MORC3: variants seen among roughly 807,000 people sequenced by gnomAD.
MORC3 encodes MORC family CW-type zinc finger protein 3.
A neutral mutation model predicts 109.1 loss-of-function variants in MORC3; 31 were observed. The observed-to-expected ratio is 0.28, with a 90% CI of 0.21 to 0.38. MORC3 has a LOEUF of 0.38. MORC3 is among the 10% of genes least tolerant of loss of function. MORC3 has a pLI of 1.00. For synonymous variants in MORC3, 395 were observed against 380.7 expected (o/e 1.04, Z -0.44); for missense variants, 867 against 1,135.8 (o/e 0.76, Z 3.40).
Position 36,372,402 on chromosome 21 carries a change from A to G in MORC3, c.2537A>G (p.Gln846Arg). ...GAATTGCTGGAAATGGAAAAGTCAC[A>G]AATCCGTTCACAGTGTGAAGAACTC... ...EVELLEMEKS[Q>R]IRSQCEELKT... The change falls in exon 16 of 17, where the codon CAA becomes CGA. Residue 846 changes from glutamine (Q) to arginine (R), a missense_variant. By Grantham distance (43) the Gln-to-Arg change is conservative. Coordinates refer to ENST00000400485, the MANE Select transcript of MORC3 (RefSeq NM_015358.3). The G allele has an allele frequency of 6.3e-7, 1 of 1,581,524 alleles. No homozygotes were observed. Among genetic ancestry groups the G allele is most frequent in the Admixed American group, 2.0e-5 (1 of 48,942 alleles).
chr21:36,372,809 A>T (rs2085885271), intron 16 of MORC3, among the ~76,000 whole-genome samples: 2 of 152,178 alleles, frequency 1.3e-5, no homozygotes, highest in African/African-American at 4.8e-5. Context: ...TTTTGAAGGA[A>T]AATAAAAATG....
intron 10 of MORC3, among the ~76,000 whole-genome samples, chr21:36,359,303 T>C (rs1438092217): frequency 6.6e-6 from 1 of 151,998 alleles, no homozygotes; most frequent in East Asian, 1.9e-4. Context: ...ACCAAAATGG[T>C]TGTGTTTAAT....
chr21:36,349,530 T>C (rs1488910670), intron 9 of MORC3, 122 bp downstream of exon 9: 4 of 566,480 alleles, frequency 7.1e-6, no homozygotes, highest in East Asian at 3.4e-5. Flanking sequence ...GGTTTGAATA[T>C]ACTACTTGTG....
At chr21:36,324,244 A>C (rs2085223796) in intron 1 of MORC3, among the ~76,000 whole-genome samples, 1 of 150,566 alleles carries the variant, frequency 6.6e-6, no homozygotes. Context: ...CCTGGACAAA[A>C]TGTTCATTCT....
intron 10 of MORC3, among the ~76,000 whole-genome samples, chr21:36,357,011 T>G (rs919858509): frequency 6.6e-6 from 1 of 152,222 alleles, no homozygotes; most frequent in African/African-American, 2.4e-5. Context: ...ACTGGTATAG[T>G]GTATCATTAG....
chr21:36,347,672 C>T (rs1017923843), intron 8 of MORC3, among the ~76,000 whole-genome samples: 1 of 152,140 alleles, frequency 6.6e-6, no homozygotes, highest in Non-Finnish European at 1.5e-5. Context: ...GTGGAACATC[C>T]TTGGAAGCAT....
Position 36,375,396 on chromosome 21 carries a change from C to G in MORC3, c.*100C>G. On this transcript the variant is annotated 3_prime_UTR_variant, in exon 17 of 17. Transcript: ENST00000400485. ...TTTTATAGATATGATAGGCAACAGA[C>G]TGAAAACCATAATCTTTACTGTATT... The G allele has an allele frequency of 1.9e-6, 2 of 1,069,992 alleles. No individual in the cohort carries two copies. The highest frequency in any genetic ancestry group is 3.3e-5 in the South Asian group (2 of 60,468). 66.3% of individuals were successfully genotyped at this position (1,069,992 alleles called of 1,614,324 possible). A position where few individuals can be genotyped will look rare whatever the true frequency, so the allele number is the denominator to read the frequency against.
intron 8 of MORC3, among the ~76,000 whole-genome samples, chr21:36,346,177 T>C (rs1310483648): frequency 6.6e-6 from 1 of 152,176 alleles, no homozygotes; most frequent in Non-Finnish European, 1.5e-5. Context: ...TGTGCCGCTA[T>C]GCCAGGCCAA....
rs2085392207 is a variant in MORC3 at position 36,337,927 on chromosome 21, A to G, written c.441A>G (p.Ile147Met). 6.2e-7 allele frequency: 1 copy of G among 1,614,018 alleles called. No individual in the cohort carries two copies. Among genetic ancestry groups the G allele is most frequent in the African/African-American group, 1.3e-5 (1 of 74,942 alleles). Residue 147 changes from isoleucine to methionine, a missense_variant, in exon 4 of 17, where the codon ATA becomes ATG. Physicochemically the swap from Ile to Met is conservative, Grantham distance 10. Transcript: ENST00000400485. ...VIKAEHVVVP[I>M]VAFNKHRQMI... Reference sequence around the variant, plus strand: ...AAGCGGAGCATGTTGTTGTTCCAATAGTGGCATTCAACAAGCACCATATCC... The same window carrying G: ...AAGCGGAGCATGTTGTTGTTCCAATGGTGGCATTCAACAAGCACCATATCC...
intron 14 of MORC3, among the ~76,000 whole-genome samples, chr21:36,365,389 T>C (rs1275850899): frequency 1.3e-5 from 2 of 152,220 alleles, no homozygotes; most frequent in African/African-American, 2.4e-5. Context: ...CTGACTATAC[T>C]GATGTTTGTT....
rs1294027375 is a variant in MORC3 at position 36,376,471 on chromosome 21, TGTATA to T, written c.*1179_*1183del. ...GTCATATACAGTATTGAATTTTTACTGTATAGTAATTCTGGAAAGAGCAAATAAAT... is the reference window on the plus strand; with the variant it reads ...GTCATATACAGTATTGAATTTTTACTGTAATTCTGGAAAGAGCAAATAAAT... On this transcript the variant is annotated 3_prime_UTR_variant, in exon 17 of 17. Transcript: ENST00000400485. 1 of 152,270 alleles carries T rather than the reference TGTATA, an allele frequency of 6.6e-6. No individual in the cohort carries two copies. The highest frequency in any genetic ancestry group is 1.5e-5 in the Non-Finnish European group (1 of 68,022). The allele number at this position is 152,270 out of a possible 1,614,324, so 9.4% of individuals were successfully genotyped here. A position where few individuals can be genotyped will look rare whatever the true frequency, so the allele number is the denominator to read the frequency against.
intron 14 of MORC3, among the ~76,000 whole-genome samples, chr21:36,365,618 G>T (rs893385998): frequency 4.6e-5 from 7 of 152,062 alleles, no homozygotes; most frequent in Non-Finnish European, 8.8e-5. Flanking sequence ...TTTGGCTTTT[G>T]TTGCCCAAGC....
intron 8 of MORC3, among the ~76,000 whole-genome samples, chr21:36,346,085 A>G (rs953686728): frequency 9.2e-5 from 14 of 152,036 alleles, no homozygotes; most frequent in African/African-American, 2.9e-4. Context: ...CAGTGGTGTG[A>G]TCTCAGCTCA....
intron 5 of MORC3, among the ~76,000 whole-genome samples, chr21:36,340,290 A>AAC (rs2085427736): frequency 6.6e-6 from 1 of 151,806 alleles, no homozygotes; most frequent in South Asian, 2.1e-4. Flanking sequence ...AAAAAAAAAA[A>AAC]AAAACTATAG....
intron 6 of MORC3, 95 bp downstream of exon 6, chr21:36,341,641 C>T: frequency 6.7e-7 from 1 of 1,503,356 alleles, no homozygotes; most frequent in Non-Finnish European, 9.1e-7. Flanking sequence ...AGAAAGGCTG[C>T]CAGTGCTCTC....
At chr21:36,364,018 A>G (rs1049145440) in intron 13 of MORC3, 75 bp from the exon 14 acceptor site, 11 of 1,448,466 alleles carry the variant, frequency 7.6e-6, no homozygotes, top group Non-Finnish European at 9.4e-6. Flanking sequence ...GGGGAAGAGG[A>G]AGATTATATC....
intron 10 of MORC3, among the ~76,000 whole-genome samples, chr21:36,357,214 C>A (rs972987013): frequency 6.6e-6 from 1 of 152,150 alleles, no homozygotes; most frequent in Admixed American, 6.6e-5. Context: ...TAACACATCA[C>A]AGGATAACAG....
chr21:36,358,155 C>T (rs1283698850), intron 10 of MORC3, among the ~76,000 whole-genome samples: 4 of 150,632 alleles, frequency 2.7e-5, no homozygotes, highest in Admixed American at 6.6e-5. Flanking sequence ...CCAACCGAGG[C>T]GGGCGGATCA....
At chr21:36,335,363 T>C (rs901752265) in intron 2 of MORC3, among the ~76,000 whole-genome samples, 9 of 148,082 alleles carry the variant, frequency 6.1e-5, no homozygotes, top group East Asian at 6.0e-4. Context: ...TCACCCAGGC[T>C]GGAGTGCAGT....
Sources: gnomAD v4.1 joint callset for allele counts (sites outside exome capture counted in the v4.1 genomes callset) on GRCh38, gnomAD v4.1.1 for gene constraint, MANE v1.5 for transcripts, NCBI Gene and HGNC (gene_info 2026-07-23, HGNC 2026-07-21) for gene names.